The following SLC30A6 variants were observed in gnomAD, a reference collection of about 807,000 sequenced individuals.
The protein encoded by SLC30A6 is zinc transporter 6.
A neutral mutation model predicts 63.0 loss-of-function variants in SLC30A6; 55 were observed. The observed-to-expected ratio is 0.87, with a 90% confidence interval of 0.70 to 1.09. The LOEUF (loss-of-function observed/expected upper bound fraction) is 1.09. SLC30A6 is among the 50% of genes least tolerant of loss of function. SLC30A6 has a pLI of 0.00. For missense variants in SLC30A6, 587 were observed against 549.2 expected (o/e 1.07, Z -0.69); for synonymous variants, 224 against 186.1 (o/e 1.20, Z -1.66).
chr2:32,180,501 T>C (rs1283628888), intron 4 of SLC30A6, among the ~76,000 whole-genome samples: 4 of 152,054 alleles, frequency 2.6e-5, no homozygotes, highest in Non-Finnish European at 5.9e-5. Context: ...CGATCTTGGC[T>C]CACTGCATGC....
At chr2:32,216,759 T>C (rs2148911354) in intron 13 of SLC30A6, among the ~76,000 whole-genome samples, 1 of 152,150 alleles carries the variant, frequency 6.6e-6, no homozygotes, top group South Asian at 2.1e-4. Flanking sequence ...ATGGGGTTGT[T>C]TTTTGCTTGT....
At chr2:32,173,446 T>G (rs754894673) in intron 2 of SLC30A6, among the ~76,000 whole-genome samples, 3 of 151,992 alleles carry the variant, frequency 2.0e-5, no homozygotes, top group Admixed American at 6.6e-5. Context: ...CAATCTCATC[T>G]TACTGCAACC....
Position 32,192,901 on chromosome 2 carries a change from A to G in SLC30A6, c.366-17A>G, listed in dbSNP as rs756793837. On this transcript the variant is annotated splice_polypyrimidine_tract_variant and intron_variant, in intron 6 of 13. Transcript: ENST00000282587. Reference sequence around the variant, plus strand: ...ATAATTTATAGGACTTATTTAATATATTTTTATTTCTTATAGTGCAGAACG... The same window carrying G: ...ATAATTTATAGGACTTATTTAATATGTTTTTATTTCTTATAGTGCAGAACG... 1 of 1,459,340 alleles carries G rather than the reference A, an allele frequency of 6.9e-7. No individual in the cohort carries two copies. Among genetic ancestry groups the G allele is most frequent in the Non-Finnish European group, 9.2e-7 (1 of 1,082,652 alleles). 90.4% of individuals were successfully genotyped at this position (1,459,340 alleles called of 1,614,324 possible). A position where few individuals can be genotyped will look rare whatever the true frequency, so the allele number is the denominator to read the frequency against.
intron 10 of SLC30A6, among the ~76,000 whole-genome samples, chr2:32,201,241 A>C (rs1684264509): frequency 6.6e-6 from 1 of 152,166 alleles, no homozygotes; most frequent in Non-Finnish European, 1.5e-5. Context: ...TGTGGGGAAA[A>C]GTAGAAAAGA....
chr2:32,205,735 TCAGGTCACTGCA>T (rs1684711345), intron 11 of SLC30A6, among the ~76,000 whole-genome samples: 1 of 133,928 alleles, frequency 7.5e-6, no homozygotes, highest in Non-Finnish European at 1.5e-5. Flanking sequence ...GGCGCTACAC[TCAGGTCACTGCA>T]ACCTTTGCTT....
At chr2:32,179,989 G>A (rs1682141075) in intron 4 of SLC30A6, among the ~76,000 whole-genome samples, 1 of 152,158 alleles carries the variant, frequency 6.6e-6, no homozygotes, top group African/African-American at 2.4e-5. Context: ...CAAGAGTGGT[G>A]TCTCATGCCT....
At chr2:32,183,058 A>T (rs1256466329) in intron 4 of SLC30A6, among the ~76,000 whole-genome samples, 1 of 151,914 alleles carries the variant, frequency 6.6e-6, no homozygotes, top group Non-Finnish European at 1.5e-5. Context: ...ATGGTGGTGC[A>T]TGCCTGTAAT....
chr2:32,188,120 T>C (rs1241266818), intron 5 of SLC30A6, among the ~76,000 whole-genome samples: 2 of 152,214 alleles, frequency 1.3e-5, no homozygotes, highest in Non-Finnish European at 1.5e-5. Context: ...CTCTATAGGA[T>C]ACTGACTTTC....
At chr2:32,197,479 G>T in intron 9 of SLC30A6, 87 bp downstream of exon 9, 6 of 1,376,848 alleles carry the variant, frequency 4.4e-6, no homozygotes, top group Non-Finnish European at 6.2e-6. Flanking sequence ...ATTATTCGTT[G>T]CTGAGGTTAC....
intron 2 of SLC30A6, among the ~76,000 whole-genome samples, chr2:32,173,100 C>G (rs933380939): frequency 4.6e-5 from 7 of 152,174 alleles, no homozygotes; most frequent in Non-Finnish European, 1.0e-4. Flanking sequence ...TCTCCTCTTT[C>G]TTGCATCGTA....
At chr2:32,219,065 CTTCTCTTCCCATGCTG>C (rs1311636341) in intron 13 of SLC30A6, among the ~76,000 whole-genome samples, 2 of 152,024 alleles carry the variant, frequency 1.3e-5, no homozygotes, top group African/African-American at 4.8e-5. Context: ...TTCTTCCCTT[CTTCTCTTCCCATGCTG>C]GGAGTGCGAT....
chr2:32,203,710 A>C (rs1490480133), intron 10 of SLC30A6: 1 of 1,533,660 alleles, frequency 6.5e-7, no homozygotes, highest in Non-Finnish European at 9.0e-7. Flanking sequence ...TGATGTTCCT[A>C]CAACTAAGTC....
chr2:32,207,535 C>T (rs1378793196), intron 12 of SLC30A6, among the ~76,000 whole-genome samples: 5 of 151,556 alleles, frequency 3.3e-5, no homozygotes, highest in Non-Finnish European at 7.4e-5. Flanking sequence ...AGCCACCATA[C>T]CCAGCTAATT....
chr2:32,188,295 C>A (rs1416255618), intron 5 of SLC30A6, among the ~76,000 whole-genome samples: 1 of 152,192 alleles, frequency 6.6e-6, no homozygotes, highest in Non-Finnish European at 1.5e-5. Context: ...ATGGCCCAAT[C>A]AAAAATAGTC....
chr2:32,189,225 C>T lies in SLC30A6; in HGVS notation c.285-3111C>T, dbSNP rs1463468492. 3.3e-5 allele frequency among the ~76,000 whole-genome samples: 5 copies of T among 151,326 alleles called. No homozygotes were observed. In the East Asian group the frequency reaches 7.7e-4, roughly 23 times the overall value. The stretch of plus-strand genomic sequence containing the variant: ...GCAGTTTTACCAATTTATACTCCCA[C>T]TGGTAGTGTTTGAGAGTTGCATTTG... On this transcript the variant is annotated intron_variant, in intron 5 of 13. Coordinates refer to ENST00000282587, the MANE Select transcript of SLC30A6 (RefSeq NM_017964.5).
rs1401922113 is a variant in SLC30A6, at chr2:32,220,297, G to C, written c.970G>C (p.Val324Leu). The part of the protein sequence containing the change: ...AHVTNRLYTL[V>L]STLTVQIFKD... ...TGTGACCAACAGGCTGTACACTCTAGTGTCTACTCTAACTGTTCAAATTTT... is the reference window on the plus strand; with the variant it reads ...TGTGACCAACAGGCTGTACACTCTACTGTCTACTCTAACTGTTCAAATTTT... Residue 324 changes from valine (V) to leucine (L), a missense_variant, in exon 14 of 14, where the codon GTG becomes CTG. Transcript: ENST00000282587. The C allele has an allele frequency of 1.9e-6, 3 of 1,614,182 alleles. No homozygotes were observed. The highest frequency in any genetic ancestry group is 1.1e-5 in the South Asian group (1 of 91,090).
intron 12 of SLC30A6, 150 bp from the exon 13 acceptor site, chr2:32,209,343 G>C (rs940511234): frequency 3.5e-6 from 2 of 570,704 alleles, no homozygotes; most frequent in Non-Finnish European, 6.1e-6. Context: ...ATGGTATCTT[G>C]AGTGGTCTGA....
rs1684321433 is a variant in SLC30A6, at chr2:32,201,873, T to C, written c.666-2717T>C. 5.5e-5 allele frequency: 79 copies of C among 1,445,714 alleles called. 3 individuals carry two copies. The South Asian group carries it at 9.0e-4, about 16-fold the overall frequency. 89.6% of individuals were successfully genotyped at this position (1,445,714 alleles called of 1,614,324 possible). On this transcript the variant is annotated intron_variant, in intron 10 of 13. Transcript: ENST00000282587. Reference sequence around the variant, plus strand: ...AAACAAGAGAAAATGGTGTTACAGATTACCTGGATGCTCCCAAGACCAAAA... The same window carrying C: ...AAACAAGAGAAAATGGTGTTACAGACTACCTGGATGCTCCCAAGACCAAAA...
chr2:32,202,704 G>T, intron 10 of SLC30A6: 2 of 672,786 alleles, frequency 3.0e-6, no homozygotes, highest in South Asian at 3.2e-5. Flanking sequence ...AGGTTTTGCT[G>T]AACAAGTTGA....
Sources: allele counts gnomAD v4.1 joint callset (sites outside exome capture counted in the v4.1 genomes callset), GRCh38; gene constraint gnomAD v4.1.1; transcripts MANE v1.5; gene names NCBI Gene and HGNC (gene_info 2026-07-23, HGNC 2026-07-21).